Variants in GRIN2A observed in about 807,000 individuals in gnomAD.
GRIN2A encodes glutamate receptor ionotropic, NMDA 2A.
GRIN2A carries 22 observed loss-of-function variants against 113.4 expected under a neutral mutation model. The ratio of observed to expected loss-of-function variants is 0.19; its 90% CI spans 0.14 to 0.28. GRIN2A has a LOEUF of 0.28. Among genes scored for constraint, GRIN2A ranks in the 10% least tolerant of loss-of-function variants. GRIN2A has a pLI of 1.00. For missense variants in GRIN2A, 1,502 were observed against 1,887.0 expected, an observed-to-expected ratio of 0.80 and a Z score of 3.78; for synonymous variants, 827 against 738.4, an observed-to-expected ratio of 1.12 and a Z score of -1.94.
In GRIN2A at chr16:9,938,147, T is replaced by C. The variant is rs148085725; in HGVS notation, c.819A>G (p.Pro273=). ...GNTELIPKEF[P]SGLISVSYDD... ...CGTAGGAGACAGAAATGAGTCCCGA[T>C]GGAAACTCTTTTGGGATGAGCTCCG... The change falls in exon 3 of 13, where the codon CCA becomes CCG. Residue 273 remains proline, a synonymous_variant. Transcript: ENST00000330684. The C allele has an allele frequency of 1.4e-4, 219 of 1,614,148 alleles. No individual in the cohort carries two copies. The highest frequency in any genetic ancestry group is 4.9e-4 in the Middle Eastern group (3 of 6,062).
chr16:9,881,224 A>C (rs2043474886), intron 4 of GRIN2A, among the ~76,000 whole-genome samples: 1 of 152,244 alleles, frequency 6.6e-6, no homozygotes, highest in Admixed American at 6.5e-5. Context: ...CTCATTTGCC[A>C]GAAGTTATTC....
chr16:10,042,970 C>A (rs2047192700), intron 2 of GRIN2A, among the ~76,000 whole-genome samples: 1 of 152,160 alleles, frequency 6.6e-6, no homozygotes, highest in South Asian at 2.1e-4. Flanking sequence ...CCATCAGTCC[C>A]CAACTTTGAT....
At chr16:9,792,937 G>T (rs1005988864) in intron 11 of GRIN2A, among the ~76,000 whole-genome samples, 1 of 152,204 alleles carries the variant, frequency 6.6e-6, no homozygotes, top group African/African-American at 2.4e-5. Context: ...TCTGAACAGG[G>T]TGTTGTCCAT....
rs1555482566 is a variant in GRIN2A at position 9,764,254 on chromosome 16, T to C, written c.3290A>G (p.Asp1097Gly). Reference protein sequence around the residue: ...KRSVASKYPKDCSEVERTYLK... With the variant: ...KRSVASKYPKGCSEVERTYLK... ...GTAGGTGCGCTCGACCTCACTACAG[T>C]CCTTGGGGTATTTGGAGGCCACTGA... Residue 1097 changes from aspartate (D) to glycine (G), a missense_variant, in exon 13 of 13, where the codon GAC becomes GGC. Asp to Gly is a moderately conservative substitution (Grantham distance 94). Coordinates refer to ENST00000330684, the MANE Select transcript of GRIN2A (RefSeq NM_001134407.3). 1 of 1,614,042 alleles carries C rather than the reference T, an allele frequency of 6.2e-7. No individual in the cohort carries two copies. The highest frequency in any genetic ancestry group is 8.5e-7 in the Non-Finnish European group (1 of 1,179,976).
chr16:9,856,157 T>G (rs562428199), intron 4 of GRIN2A, among the ~76,000 whole-genome samples: 1 of 152,312 alleles, frequency 6.6e-6, no homozygotes, highest in African/African-American at 2.4e-5. Context: ...CCTCATTGCA[T>G]GATGAGGAAA....
rs77440332 is a variant in GRIN2A at position 9,849,747 on chromosome 16, G to A, written c.1328+9C>T. On this transcript the variant is annotated intron_variant, in intron 5 of 12. Transcript: ENST00000330684. ...GGCACGTTCAGGTGACAGCATTCCT[G>A]CCACTCACTTGATTTTGACGAACTT... The A allele has an allele frequency of 6.2e-7, 1 of 1,608,088 alleles. No homozygotes were observed. Among genetic ancestry groups the A allele is most frequent in the South Asian group, 1.1e-5 (1 of 90,986 alleles).
At chr16:10,108,609 G>C (rs765328540) in intron 2 of GRIN2A, among the ~76,000 whole-genome samples, 1 of 152,204 alleles carries the variant, frequency 6.6e-6, no homozygotes, top group Non-Finnish European at 1.5e-5. Context: ...GGTTACACGT[G>C]TTCAGGGTCA....
intron 2 of GRIN2A, among the ~76,000 whole-genome samples, chr16:9,982,137 T>C (rs17670509): frequency 0.093 from 14,078 of 152,164 alleles, 783 homozygotes; most frequent in Non-Finnish European, 0.11. Flanking sequence ...TTTTTGGTTT[T>C]AAAAACTGGG....
chr16:9,876,437 A>G (rs2043367642), intron 4 of GRIN2A, among the ~76,000 whole-genome samples: 2 of 152,030 alleles, frequency 1.3e-5, no homozygotes, highest in Admixed American at 6.5e-5. Context: ...TTGTTTGATC[A>G]CCAATAAATA....
rs2043106279 is a variant in GRIN2A at position 9,863,405 on chromosome 16, T to A, written c.1123-13444A>T. Among the ~76,000 whole-genome samples, 3 of 152,162 alleles carry A rather than the reference T, an allele frequency of 2.0e-5. No individual in the cohort carries two copies. The South Asian group carries it at 6.2e-4, about 31-fold the overall frequency. On this transcript the variant is annotated intron_variant, in intron 4 of 12. Transcript: ENST00000330684. ...CCAGAGGTGGTCTTACAGTGTGCTT[T>A]TACTCATGACAGTTTTACTTCTTCC...
At position 9,763,190 on chromosome 16, in the gene GRIN2A, G is replaced by A. The variant is rs568622613; in HGVS notation, c.4354C>T (p.Arg1452Cys). The A allele has an allele frequency of 6.8e-6, 11 of 1,613,648 alleles. No homozygotes were observed. The highest frequency in any genetic ancestry group is 1.7e-4 in the Middle Eastern group (1 of 6,060). The change falls in exon 13 of 13, where the codon CGC (arginine) becomes TGC (cysteine). Residue 1452 changes from arginine (R) to cysteine (C), a missense_variant. Physicochemically the swap from Arg to Cys is radical, Grantham distance 180 (BLOSUM62 -3). Transcript: ENST00000330684. ...PRVLNSCSNR[R>C]VYKKMPSIES... ...ATACTAGGCATTTTCTTGTACACGC[G>A]TCTATTGCTGCAGGAATTTAAAACC...
chr16:10,109,027 A>C (rs2048556115), intron 2 of GRIN2A, among the ~76,000 whole-genome samples: 3 of 150,460 alleles, frequency 2.0e-5, no homozygotes, highest in East Asian at 1.9e-4. Flanking sequence ...AAAAAAAAAA[A>C]AAAAAAAACA....
intron 3 of GRIN2A, among the ~76,000 whole-genome samples, chr16:9,922,237 C>T (rs765693700): frequency 9.2e-5 from 14 of 151,966 alleles, no homozygotes; most frequent in Admixed American, 2.0e-4. Flanking sequence ...AAGTGATCTC[C>T]AGCATCCCTG....
At chr16:9,977,236 G>A (rs2045792405) in intron 2 of GRIN2A, among the ~76,000 whole-genome samples, 1 of 148,948 alleles carries the variant, frequency 6.7e-6, no homozygotes, top group African/African-American at 2.5e-5. Flanking sequence ...AGGCTGCAGT[G>A]AGCCATGACT....
intron 2 of GRIN2A, among the ~76,000 whole-genome samples, chr16:10,029,310 T>A (rs550589335): frequency 6.6e-6 from 1 of 152,220 alleles, no homozygotes; most frequent in Admixed American, 6.5e-5. Context: ...TTCTCCTGCC[T>A]CAGCCTCCCA....
At chr16:9,775,647 G>A (rs547714018) in intron 11 of GRIN2A, among the ~76,000 whole-genome samples, 23 of 152,346 alleles carry the variant, frequency 1.5e-4, no homozygotes, top group South Asian at 2.1e-4. Flanking sequence ...GGAGGAGCCC[G>A]AAGAGTAGAA....
intron 5 of GRIN2A, among the ~76,000 whole-genome samples, chr16:9,846,665 T>C (rs1448912630): frequency 6.6e-6 from 1 of 152,108 alleles, no homozygotes; most frequent in Admixed American, 6.5e-5. Context: ...GAAGACAAAC[T>C]ATACACTGTA....
intron 2 of GRIN2A, among the ~76,000 whole-genome samples, chr16:10,010,180 T>C (rs1035125344): frequency 5.3e-5 from 8 of 152,252 alleles, no homozygotes; most frequent in African/African-American, 1.4e-4. Context: ...CAGCAAGGCC[T>C]ACCTGGTTCT....
rs2042305474 is a variant in GRIN2A at position 9,822,430 on chromosome 16, G to T, written c.2008-6C>A. On this transcript the variant is annotated splice_region_variant and splice_polypyrimidine_tract_variant and intron_variant, in intron 9 of 12. Transcript: ENST00000330684. ...TAGTCATGAGGTCTCTGAAACTGGAGAGAGAACGAGAAAGGAAGAGAGAGA... is the reference window on the plus strand; with the variant it reads ...TAGTCATGAGGTCTCTGAAACTGGATAGAGAACGAGAAAGGAAGAGAGAGA... 1 of 1,591,420 alleles carries T rather than the reference G, an allele frequency of 6.3e-7. No individual in the cohort carries two copies. Among genetic ancestry groups the T allele is most frequent in the African/African-American group, 1.3e-5 (1 of 74,422 alleles).
Sources: gnomAD v4.1 joint callset for allele counts (sites outside exome capture counted in the v4.1 genomes callset) on GRCh38, gnomAD v4.1.1 for gene constraint, MANE v1.5 for transcripts, NCBI Gene and HGNC (gene_info 2026-07-23, HGNC 2026-07-21) for gene names.